The following NLRP4 variants were observed in gnomAD, a reference collection of about 807,000 sequenced individuals.
NLRP4 encodes NACHT, LRR and PYD domains-containing protein 4.
Under a neutral mutation model 84.7 loss-of-function variants are expected in NLRP4, and 44 were observed. The ratio of observed to expected loss-of-function variants is 0.52; its 90% CI spans 0.41 to 0.67. NLRP4 has a LOEUF of 0.67. Ranked by LOEUF, NLRP4 falls within the 30% of genes least tolerant of loss-of-function variation. The pLI, the probability that NLRP4 is intolerant of heterozygous loss-of-function variation, is 0.00. For synonymous variants in NLRP4, 544 were observed against 476.4 expected (o/e 1.14, Z -1.85); for missense variants, 1,260 against 1,219.4 (o/e 1.03, Z -0.50).
At chr19:55,859,944 A>AC (rs1307311535) in intron 3 of NLRP4, among the ~76,000 whole-genome samples, 2 of 125,072 alleles carry the variant, frequency 1.6e-5, no homozygotes, top group East Asian at 4.1e-4. Flanking sequence ...AAAAAAAAAA[A>AC]AAAAAAAACA....
chr19:55,879,008 C>T (rs778510330), intron 9 of NLRP4, 44 bp downstream of exon 9: 1 of 1,491,944 alleles, frequency 6.7e-7, no homozygotes, highest in African/African-American at 1.4e-5. Context: ...GTGCTCCGGG[C>T]TAAGAAGGGA....
intron 1 of NLRP4, among the ~76,000 whole-genome samples, chr19:55,846,525 C>G (rs1040778475): frequency 5.9e-5 from 9 of 152,152 alleles, no homozygotes; most frequent in Non-Finnish European, 1.3e-4. Context: ...CAGTGGTTTT[C>G]AAATCTGGGC....
chr19:55,850,111 GTAGCTGCGGTGTA>G lies in NLRP4; in HGVS notation c.-65-1904_-65-1892del, dbSNP rs1984007537. On this transcript the variant is annotated intron_variant, in intron 1 of 9. Coordinates refer to ENST00000301295, the MANE Select transcript of NLRP4 (RefSeq NM_134444.5). Reference sequence around the variant, plus strand: ...TTTCCGTGGCTGCGGTGTAATTACCGTAGCTGCGGTGTAATTTCCGTGGCTGCGGTGTAATTTC... The same window carrying G: ...TTTCCGTGGCTGCGGTGTAATTACCGATTTCCGTGGCTGCGGTGTAATTTC... Among the ~76,000 whole-genome samples the G allele has an allele frequency of 7.4e-5, 10 of 135,078 alleles. 1 individual carries two copies. The highest frequency in any genetic ancestry group is 2.4e-4 in the South Asian group (1 of 4,232). 88.6% of individuals were successfully genotyped at this position (135,078 alleles called of 152,430 possible).
In NLRP4 at chr19:55,858,003, T is replaced by G; in HGVS notation, c.610T>G (p.Leu204Val). ...GTTGCCGCCAACGAGTTTGGCTGAC[T>G]TGATTTCCAGAGAGTGGCCTGACCC... ...RELPPTSLAD[L>V]ISREWPDPAA... The change falls in exon 3 of 10, where the codon TTG (leucine) becomes GTG (valine). Residue 204 changes from leucine to valine, a missense_variant. Transcript: ENST00000301295. This position sits in a 1 kb window ranked among gnomAD's most constrained non-coding sequence, Gnocchi z 4.2. 2 of 1,614,206 alleles carry G rather than the reference T, an allele frequency of 1.2e-6. No homozygotes were observed. The highest frequency in any genetic ancestry group is 1.7e-6 in the Non-Finnish European group (2 of 1,180,016).
chr19:55,871,586 A>G (rs532354819), intron 7 of NLRP4, among the ~76,000 whole-genome samples: 2 of 152,262 alleles, frequency 1.3e-5, no homozygotes, highest in South Asian at 4.1e-4. Flanking sequence ...GTTGTTATGT[A>G]TTTTCCCTGA....
intron 2 of NLRP4, among the ~76,000 whole-genome samples, chr19:55,854,480 G>A (rs1051178086): frequency 2.0e-5 from 3 of 152,024 alleles, no homozygotes; most frequent in African/African-American, 7.2e-5. Flanking sequence ...AGTATGTCCG[G>A]TAATTTTGAG....
Position 55,873,746 on chromosome 19 carries a change from C to T in NLRP4, c.2525+2749C>T, listed in dbSNP as rs539045721. On this transcript the variant is annotated intron_variant, in intron 7 of 9. Transcript: ENST00000301295. ...ATAGAATTTAAGACAAAGTATTATT[C>T]GGTTCATGCTAATTTTTAAATTATC... 1.1e-3 allele frequency among the ~76,000 whole-genome samples: 166 copies of T among 152,234 alleles called. 2 individuals carry two copies. The highest frequency in any genetic ancestry group is 3.0e-3 in the African/African-American group (124 of 41,556).
chr19:55,839,163 T>C (rs1448873891), intron 1 of NLRP4, among the ~76,000 whole-genome samples: 1 of 152,082 alleles, frequency 6.6e-6, no homozygotes, highest in Non-Finnish European at 1.5e-5. Flanking sequence ...TGTGTGAATG[T>C]TCCCCTCCCT....
chr19:55,865,955 CAT>C (rs1233117336), intron 5 of NLRP4, among the ~76,000 whole-genome samples: 4 of 152,186 alleles, frequency 2.6e-5, no homozygotes, highest in Non-Finnish European at 5.9e-5. Context: ...TCTTTTGTCT[CAT>C]GTGCTTTTGG....
At chr19:55,841,363 T>C (rs996452801) in intron 1 of NLRP4, among the ~76,000 whole-genome samples, 7 of 152,190 alleles carry the variant, frequency 4.6e-5, no homozygotes, top group African/African-American at 1.7e-4. Context: ...AGATTCCCCA[T>C]ATAAATGAGA....
rs1228683747 is a variant in NLRP4 at position 55,881,686 on chromosome 19, A to G, written c.*99A>G. The G allele has an allele frequency of 3.3e-6, 2 of 608,714 alleles. No individual in the cohort carries two copies. Among genetic ancestry groups the G allele is most frequent in the African/African-American group, 3.7e-5 (2 of 53,744 alleles). 37.7% of individuals were successfully genotyped at this position (608,714 alleles called of 1,614,324 possible). A position where few individuals can be genotyped will look rare whatever the true frequency, so the allele number is the denominator to read the frequency against. ...CACCCAGGAGATACAAATCATTGAT[A>G]CTCTGAGTTGTGAGATTTCTGGCAC... On this transcript the variant is annotated 3_prime_UTR_variant, in exon 10 of 10. Transcript: ENST00000301295.
rs919033341 is a variant in NLRP4 at position 55,867,815 on chromosome 19, A to G, written c.2293A>G (p.Thr765Ala). ...GAATGTATCCTGCAACCAGTTAGAC[A>G]CAGGCGTGCCCCTTTTGTGTGAAGC... The part of the protein sequence containing the change: ...YLNVSCNQLD[T>A]GVPLLCEALC... The change falls in exon 6 of 10, where the codon ACA (threonine) becomes GCA (alanine). Residue 765 changes from threonine (T) to alanine (A), a missense_variant. By Grantham distance (58) the Thr-to-Ala change is moderately conservative (BLOSUM62 0). Around this residue, in one of 3 missense-constraint regions of NLRP4, gnomAD observed 544 missense variants for 531.7 expected, o/e 1.02. Transcript: ENST00000301295. 1 of 1,614,220 alleles carries G rather than the reference A, an allele frequency of 6.2e-7. No individual in the cohort carries two copies.
chr19:55,843,916 C>T (rs924538319), intron 1 of NLRP4, among the ~76,000 whole-genome samples: 2 of 152,072 alleles, frequency 1.3e-5, no homozygotes, highest in Non-Finnish European at 2.9e-5. Context: ...CTCTTCTGTG[C>T]TTTTCATCTT....
chr19:55,874,090 A>G (rs1985284457), intron 7 of NLRP4, among the ~76,000 whole-genome samples: 1 of 152,182 alleles, frequency 6.6e-6, no homozygotes, highest in African/African-American at 2.4e-5. Flanking sequence ...GGTTCTTGGA[A>G]AAAACAGTTT....
rs201257100 is a variant in NLRP4 at position 55,858,835 on chromosome 19, A to G, written c.1442A>G (p.Gln481Arg). Residue 481 changes from glutamine to arginine, a missense_variant, in exon 3 of 10, where the codon CAG becomes CGG. Gln to Arg is a conservative substitution (Grantham distance 43, BLOSUM62 1). Around this residue, in one of 3 missense-constraint regions of NLRP4, gnomAD observed 712 missense variants for 669.2 expected, o/e 1.06. Transcript: ENST00000301295. This position sits in a 1 kb window ranked among gnomAD's most constrained non-coding sequence, Gnocchi z 4.2. ...CCTCACCCAGCTGTGAGATGTGTACAGGAATTGCTAGTTGCCAATTTTGAA... is the reference window on the plus strand; with the variant it reads ...CCTCACCCAGCTGTGAGATGTGTACGGGAATTGCTAGTTGCCAATTTTGAA... ...DHPHPAVRCV[Q>R]ELLVANFEKA... The G allele has an allele frequency of 5.0e-6, 8 of 1,614,174 alleles. No individual in the cohort carries two copies. In the Admixed American group the frequency reaches 8.3e-5, roughly 17 times the overall value.
chr19:55,857,719 G>A lies in NLRP4; in HGVS notation c.326G>A (p.Arg109His), dbSNP rs145740276. The A allele has an allele frequency of 4.4e-4, 713 of 1,613,496 alleles. 8 individuals are homozygous for A. Among genetic ancestry groups the A allele is most frequent in the South Asian group, 3.5e-3 (319 of 91,068 alleles). Residue 109 changes from arginine to histidine, a missense_variant, in exon 3 of 10, where the codon CGC (arginine) becomes CAC (histidine). Arg to His is a conservative substitution (Grantham distance 29, BLOSUM62 0). Transcript: ENST00000301295. ...GCTCACGCAAAGCAGAAATTCAGCC[G>A]CTTATGGTCCAGCAAGTCTGTCACT... ...YQAHAKQKFS[R>H]LWSSKSVTEI...
chr19:55,852,471 A>G (rs2081019905), intron 2 of NLRP4, 111 bp downstream of exon 2: 1 of 562,866 alleles, frequency 1.8e-6, no homozygotes. Flanking sequence ...ATGGGAAAAT[A>G]TTAGGTTTTT....
intron 6 of NLRP4, 34 bp from the exon 7 acceptor site, chr19:55,870,793 C>T: frequency 6.4e-7 from 1 of 1,568,282 alleles, no homozygotes; most frequent in East Asian, 2.3e-5. Flanking sequence ...CCACGTCCCT[C>T]TTCACTCTCC....
rs190768189 is a variant in NLRP4 at position 55,856,436 on chromosome 19, A to T, written c.281-1238A>T. ...TCATGAGAGTGAGGGCCAATCGCAG[A>T]ACTTAATCTGTACCTTGATCTTAGC... On this transcript the variant is annotated intron_variant, in intron 2 of 9. Coordinates refer to ENST00000301295, the MANE Select transcript of NLRP4 (RefSeq NM_134444.5). Among the ~76,000 whole-genome samples, 6 of 151,826 alleles carry T rather than the reference A, an allele frequency of 4.0e-5. No individual in the cohort carries two copies. The East Asian group carries it at 1.2e-3, about 29-fold the overall frequency.
Sources: allele counts gnomAD v4.1 joint callset (sites outside exome capture counted in the v4.1 genomes callset), GRCh38; gene constraint gnomAD v4.1.1; regional missense constraint gnomAD v4.1.1; non-coding constraint Gnocchi (gnomAD v3.1); transcripts MANE v1.5; gene names NCBI Gene and HGNC (gene_info 2026-07-23, HGNC 2026-07-21).